Variants in SFMBT2 observed in about 807,000 individuals in gnomAD.
SFMBT2 encodes scm-like with four MBT domains protein 2.
In SFMBT2, 38 loss-of-function variants were observed where a neutral mutation model predicts 110.1. That is an observed-to-expected ratio of 0.35 (90% CI 0.27 to 0.45). SFMBT2 has a LOEUF of 0.45. Among genes scored for constraint, SFMBT2 ranks in the 20% least tolerant of loss-of-function variants. The pLI is 1.00. For missense variants in SFMBT2, 1,011 were observed against 1,094.9 expected, an observed-to-expected ratio of 0.92 and a Z score of 1.08; for synonymous variants, 425 against 425.4, an observed-to-expected ratio of 1.00 and a Z score of 0.01.
intron 4 of SFMBT2, among the ~76,000 whole-genome samples, chr10:7,286,964 A>C (rs1564422598): frequency 6.6e-6 from 1 of 152,194 alleles, no homozygotes; most frequent in Non-Finnish European, 1.5e-5. Flanking sequence ...TGGAAAGAAA[A>C]GAGTCTAAAA....
intron 15 of SFMBT2, among the ~76,000 whole-genome samples, chr10:7,191,456 G>C (rs1838599964): frequency 6.6e-6 from 1 of 152,212 alleles, no homozygotes; most frequent in African/African-American, 2.4e-5. Context: ...CCTTTCAACA[G>C]GTCAGATCAG....
At chr10:7,404,635 T>C (rs1263849815) in intron 1 of SFMBT2, among the ~76,000 whole-genome samples, 1 of 152,186 alleles carries the variant, frequency 6.6e-6, no homozygotes, top group Admixed American at 6.5e-5. Context: ...GAGAAAGGAA[T>C]GAAACAGAAA....
intron 16 of SFMBT2, among the ~76,000 whole-genome samples, chr10:7,186,427 C>CACAT (rs369793400): frequency 0.11 from 10,010 of 87,840 alleles, 414 homozygotes; most frequent in African/African-American, 0.2. Context: ...ACTATATATA[C>CACAT]ACACACACAC....
chr10:7,293,196 C>G lies in SFMBT2; in HGVS notation c.437-7242G>C, dbSNP rs1246068494. Reference sequence around the variant, plus strand: ...CCCAAGCAGCTGGGATTACAGGCACCCACCACCATCTCCAGCCTCAGCTTC... The same window carrying G: ...CCCAAGCAGCTGGGATTACAGGCACGCACCACCATCTCCAGCCTCAGCTTC... On this transcript the variant is annotated intron_variant, in intron 4 of 20. Transcript: ENST00000397167. This position sits in a 1 kb window ranked among gnomAD's most constrained non-coding sequence, Gnocchi z 4.6. 6.6e-6 allele frequency among the ~76,000 whole-genome samples: 1 copy of G among 151,888 alleles called. No homozygotes were observed. The highest frequency in any genetic ancestry group is 1.5e-5 in the Non-Finnish European group (1 of 67,958).
rs192577749 is a variant in SFMBT2 at position 7,255,417 on chromosome 10, G to C, written c.871-6768C>G. 2.5e-4 allele frequency among the ~76,000 whole-genome samples: 38 copies of C among 152,290 alleles called. No individual in the cohort carries two copies. In the East Asian group the frequency reaches 6.2e-3, roughly 25 times the overall value. ...TTACAAATATGCCTGTCACATTAAA[G>C]AAATACTGTTTACTTCAGAGTACTG... On this transcript the variant is annotated intron_variant, in intron 7 of 20. Coordinates refer to ENST00000397167, the MANE Select transcript of SFMBT2 (RefSeq NM_001387889.1).
At chr10:7,296,399 C>T (rs1374190464) in intron 4 of SFMBT2, among the ~76,000 whole-genome samples, 1 of 152,218 alleles carries the variant, frequency 6.6e-6, no homozygotes, top group Non-Finnish European at 1.5e-5. Flanking sequence ...AGGTCCAGGG[C>T]TCTAAGTTCA....
rs188628608 is a variant in SFMBT2, at chr10:7,348,406, G to A, written c.436+19243C>T. The A allele has an allele frequency of 4.8e-5, 62 of 1,293,864 alleles. 1 individual carries two copies. The East Asian group carries it at 5.5e-4, about 11-fold the overall frequency. 80.1% of individuals were successfully genotyped at this position (1,293,864 alleles called of 1,614,324 possible). ...TATAATCCATGATGGGCTTTGGGGG[G>A]CTCTTCATAACTACTGTGTAAATAT... On this transcript the variant is annotated intron_variant, in intron 4 of 20. Coordinates refer to ENST00000397167, the MANE Select transcript of SFMBT2 (RefSeq NM_001387889.1).
chr10:7,326,762 G>A (rs1337673507), intron 4 of SFMBT2, among the ~76,000 whole-genome samples: 1 of 152,076 alleles, frequency 6.6e-6, no homozygotes, highest in Non-Finnish European at 1.5e-5. Flanking sequence ...AAAGTTCACT[G>A]GAAAACGAAA....
chr10:7,329,546 C>G, intron 4 of SFMBT2: 9 of 984,290 alleles, frequency 9.1e-6, no homozygotes, highest in Non-Finnish European at 1.1e-5. Context: ...TCTGCTGGGT[C>G]ACAAACTGCC....
At chr10:7,356,786 T>C (rs684515) in intron 4 of SFMBT2, among the ~76,000 whole-genome samples, 39,517 of 152,064 alleles carry the variant, frequency 0.26, 6,879 homozygotes, top group African/African-American at 0.49. Flanking sequence ...TAGCAAAATC[T>C]CTTGTAAGTA....
rs1481871609 is a variant in SFMBT2, at chr10:7,361,038, T to C, written c.436+6611A>G. Among the ~76,000 whole-genome samples, 8 of 152,348 alleles carry C rather than the reference T, an allele frequency of 5.3e-5. 1 individual carries two copies. The East Asian group carries it at 1.2e-3, about 22-fold the overall frequency. ...ACTTTTGGTTTATTTACAGACATAC[T>C]TGTCAAATAATCCTACCCTTTCTTA... On this transcript the variant is annotated intron_variant, in intron 4 of 20. Transcript: ENST00000397167.
At chr10:7,254,767 G>A (rs2131750160) in intron 7 of SFMBT2, among the ~76,000 whole-genome samples, 1 of 152,268 alleles carries the variant, frequency 6.6e-6, no homozygotes, top group Middle Eastern at 3.4e-3. Context: ...GGTGGAGGTT[G>A]CAGTGAGCAG....
At chr10:7,217,924 A>T (rs893824214) in intron 11 of SFMBT2, among the ~76,000 whole-genome samples, 1 of 152,198 alleles carries the variant, frequency 6.6e-6, no homozygotes, top group Admixed American at 6.5e-5. Flanking sequence ...TCAAATATGC[A>T]CTTAAAATGA....
chr10:7,268,954 T>C (rs1286048961), intron 7 of SFMBT2, among the ~76,000 whole-genome samples: 1 of 152,222 alleles, frequency 6.6e-6, no homozygotes, highest in Admixed American at 6.5e-5. Flanking sequence ...TGATATACAG[T>C]GCAGTCACCT....
At chr10:7,401,806 C>T (rs1010789256) in intron 1 of SFMBT2, among the ~76,000 whole-genome samples, 1 of 152,216 alleles carries the variant, frequency 6.6e-6, no homozygotes, top group African/African-American at 2.4e-5. Context: ...GTGTGCTTTT[C>T]GTTCTATGCC....
At position 7,168,504 on chromosome 10, in the gene SFMBT2, C is replaced by T. The variant is rs527613715; in HGVS notation, c.2544+2424G>A. Reference sequence around the variant, plus strand: ...AGAAGGCACCTCGCAGGGACTGAATCGGTGTATGTTGAATGCACACAGGGA... The same window carrying T: ...AGAAGGCACCTCGCAGGGACTGAATTGGTGTATGTTGAATGCACACAGGGA... On this transcript the variant is annotated intron_variant, in intron 20 of 20. Transcript: ENST00000397167. Among the ~76,000 whole-genome samples the T allele has an allele frequency of 2.6e-5, 4 of 152,206 alleles. No homozygotes were observed. In the South Asian group the frequency reaches 6.2e-4, roughly 24 times the overall value.
chr10:7,348,621 C>T (rs892095069), intron 4 of SFMBT2, among the ~76,000 whole-genome samples: 8 of 152,234 alleles, frequency 5.3e-5, no homozygotes, highest in African/African-American at 1.9e-4. Context: ...ACTCTTGCTG[C>T]ATAACCTAAG....
chr10:7,374,291 G>A (rs1212827658), intron 2 of SFMBT2, among the ~76,000 whole-genome samples: 5 of 151,900 alleles, frequency 3.3e-5, no homozygotes, highest in East Asian at 1.9e-4. Context: ...AAGGAAACAC[G>A]CACATTGAGG....
At chr10:7,335,132 C>T (rs1338142401) in intron 4 of SFMBT2, among the ~76,000 whole-genome samples, 1 of 151,918 alleles carries the variant, frequency 6.6e-6, no homozygotes, top group African/African-American at 2.4e-5. Context: ...CGGTGGTTGC[C>T]CAGAGAAGGG....
Sources: allele counts gnomAD v4.1 joint callset (sites outside exome capture counted in the v4.1 genomes callset), GRCh38; gene constraint gnomAD v4.1.1; non-coding constraint Gnocchi (gnomAD v3.1); transcripts MANE v1.5; gene names NCBI Gene and HGNC (gene_info 2026-07-23, HGNC 2026-07-21).